Variants in ZNF44 observed in about 807,000 individuals in gnomAD.
ZNF44 encodes the protein gonadotropin inducible transcription repressor-2.
ZNF44 carries 9 observed loss-of-function variants against 11.7 expected under a neutral mutation model. That is an observed-to-expected ratio of 0.77 (90% CI 0.46 to 1.35). The LOEUF (loss-of-function observed/expected upper bound fraction) is 1.35, where lower values mean the gene tolerates loss of function less well. ZNF44 is among the 40% of genes most tolerant of loss of function. The probability of loss-of-function intolerance (pLI) is 0.00; values close to 1 mark genes in which losing one functional copy is unlikely to be tolerated. For missense variants in ZNF44, 696 were observed against 743.1 expected (o/e 0.94, Z 0.74); for synonymous variants, 224 against 242.7 (o/e 0.92, Z 0.72).
At chr19:12,287,910 CT>C (rs2145763314) in intron 1 of ZNF44, among the ~76,000 whole-genome samples, 1 of 152,302 alleles carries the variant, frequency 6.6e-6, no homozygotes, top group African/African-American at 2.4e-5. Flanking sequence ...CAAAATTATG[CT>C]TATGGGTGAA....
At chr19:12,256,241 A>G (rs998489218) in intron 5 of ZNF44, among the ~76,000 whole-genome samples, 2 of 152,102 alleles carry the variant, frequency 1.3e-5, no homozygotes, top group Non-Finnish European at 2.9e-5. Flanking sequence ...ACAAAGAACA[A>G]AAGAATCTGA....
At chr19:12,288,774 G>GTACATATATATATATATATATA (rs1967869147) in intron 1 of ZNF44, among the ~76,000 whole-genome samples, 1 of 76,840 alleles carries the variant, frequency 1.3e-5, no homozygotes, top group Non-Finnish European at 2.2e-5. Flanking sequence ...AAAAAAAAAT[G>GTACATATATATATATATATATA]TATATATATA....
intron 5 of ZNF44, among the ~76,000 whole-genome samples, chr19:12,259,723 G>T (rs1398278921): frequency 1.3e-5 from 2 of 152,152 alleles, no homozygotes; most frequent in Non-Finnish European, 2.9e-5. Flanking sequence ...GCTCTAGAAG[G>T]TTTAAGAACC....
chr19:12,256,458 C>T (rs1193245413), intron 5 of ZNF44, among the ~76,000 whole-genome samples: 1 of 152,078 alleles, frequency 6.6e-6, no homozygotes, highest in African/African-American at 2.4e-5. Flanking sequence ...GCACTCCAGC[C>T]TGGGTGACAG....
At chr19:12,231,887 C>T (rs1249178030) in intron 2 of ZNF44, among the ~76,000 whole-genome samples, 5 of 152,054 alleles carry the variant, frequency 3.3e-5, no homozygotes, top group African/African-American at 1.2e-4. Context: ...TTAGGTGGAA[C>T]AAGAGACTTG....
chr19:12,249,301 C>T (rs1425673397), intron 7 of ZNF44, among the ~76,000 whole-genome samples: 3 of 151,218 alleles, frequency 2.0e-5, no homozygotes, highest in South Asian at 4.2e-4. Flanking sequence ...GTCAGGAGAT[C>T]GAGACCATCC....
intron 5 of ZNF44, among the ~76,000 whole-genome samples, chr19:12,259,005 G>A (rs1599508995): frequency 6.6e-6 from 1 of 152,054 alleles, no homozygotes; most frequent in Non-Finnish European, 1.5e-5. Context: ...CTCCCAAGCA[G>A]CCAGGACTAC....
intron 5 of ZNF44, among the ~76,000 whole-genome samples, chr19:12,257,136 A>T (rs1233151275): frequency 1.3e-5 from 2 of 152,224 alleles, no homozygotes; most frequent in African/African-American, 4.8e-5. Flanking sequence ...ATAAAGGTGG[A>T]CCACATCCCT....
At chr19:12,233,080 AAAT>A (rs1307015717) in intron 2 of ZNF44, among the ~76,000 whole-genome samples, 1 of 152,174 alleles carries the variant, frequency 6.6e-6, no homozygotes, top group African/African-American at 2.4e-5. Context: ...CATAAACCAC[AAAT>A]AATATCTCTG....
intron 2 of ZNF44, chr19:12,230,597 C>G (rs2459019): frequency 6.6e-6 from 1 of 152,172 alleles, no homozygotes; most frequent in Non-Finnish European, 1.5e-5. Flanking sequence ...CCAGAGACCT[C>G]CAGGATCCAG....
chr19:12,250,226 A>G (rs1916935953), intron 6 of ZNF44: 1 of 1,353,074 alleles, frequency 7.4e-7, no homozygotes, highest in Admixed American at 2.0e-5. Context: ...ACATGATGGA[A>G]TGATTTCATT....
intron 5 of ZNF44, among the ~76,000 whole-genome samples, chr19:12,262,594 G>A (rs955631728): frequency 1.3e-5 from 2 of 152,070 alleles, no homozygotes; most frequent in Non-Finnish European, 2.9e-5. Context: ...TTAAAGAGTA[G>A]AGCCTTTTAA....
At chr19:12,245,717 T>C (rs1475041262), downstream of ZNF44, among the ~76,000 whole-genome samples, 1 of 152,190 alleles carries the variant, frequency 6.6e-6, no homozygotes, top group East Asian at 1.9e-4. Flanking sequence ...TCCTCAACCA[T>C]GACAGTTTTA....
downstream of ZNF44, among the ~76,000 whole-genome samples, chr19:12,268,135 CACACACACAG>C (rs1452700771): frequency 1.5e-5 from 2 of 137,344 alleles, no homozygotes; most frequent in Admixed American, 7.6e-5. Context: ...TGTTCTTACA[CACACACACAG>C]ACACACACAC....
At chr19:12,251,465 C>T (rs1454386717) in intron 5 of ZNF44, among the ~76,000 whole-genome samples, 2 of 151,884 alleles carry the variant, frequency 1.3e-5, no homozygotes, top group Non-Finnish European at 2.9e-5. Flanking sequence ...CTTCTCTCCA[C>T]CCCAGAGAAG....
downstream of ZNF44, among the ~76,000 whole-genome samples, chr19:12,268,471 TA>T: frequency 6.6e-6 from 1 of 152,214 alleles, no homozygotes; most frequent in Non-Finnish European, 1.5e-5. Flanking sequence ...TAAATCTGGC[TA>T]ATCTACTACC....
In ZNF44 at chr19:12,272,228, C is replaced by G. The variant is rs757222275; in HGVS notation, c.*179G>C. ...CCATGTTAGCCAGGCTGGTCTCGAT[C>G]TCCTGGCCTCGTGATCTGCCCTCCT... On this transcript the variant is annotated 3_prime_UTR_variant, in exon 4 of 4. Transcript: ENST00000355684. The G allele has an allele frequency of 2.3e-5, 24 of 1,057,110 alleles. No individual in the cohort carries two copies. The highest frequency in any genetic ancestry group is 2.9e-5 in the Non-Finnish European group (24 of 817,968). The allele number at this position is 1,057,110 out of a possible 1,614,324, so 65.5% of individuals were successfully genotyped here. A position where few individuals can be genotyped will look rare whatever the true frequency, so the allele number is the denominator to read the frequency against.
At chr19:12,291,714 G>A (rs372056955) in intron 1 of ZNF44, among the ~76,000 whole-genome samples, 16 of 151,942 alleles carry the variant, frequency 1.1e-4, no homozygotes, top group African/African-American at 3.9e-4. Context: ...GAAAAAGGCT[G>A]CGTGCAGTGG....
downstream of ZNF44, among the ~76,000 whole-genome samples, chr19:12,243,209 G>GTA (rs1479936776): frequency 4.6e-5 from 7 of 152,076 alleles, no homozygotes; most frequent in South Asian, 2.1e-4. Flanking sequence ...ATGTTTTGAT[G>GTA]TATATATATA....
Sources: allele counts gnomAD v4.1 joint callset (sites outside exome capture counted in the v4.1 genomes callset), GRCh38; gene constraint gnomAD v4.1.1; transcripts MANE v1.5; gene names NCBI Gene and HGNC (gene_info 2026-07-23, HGNC 2026-07-21).